BRIP1: variants seen among roughly 807,000 people sequenced by gnomAD.
BRIP1 encodes Fanconi anemia group J protein.
Under a neutral mutation model 119.7 loss-of-function variants are expected in BRIP1, and 88 were observed. The observed-to-expected ratio is 0.74, with a 90% CI of 0.62 to 0.88. The LOEUF is 0.88. Ranked by LOEUF, BRIP1 falls within the 40% of genes least tolerant of loss-of-function variation. BRIP1 has a pLI of 0.00. For synonymous variants in BRIP1, 443 were observed against 496.5 expected, an observed-to-expected ratio of 0.89 and a Z score of 1.43; for missense variants, 1,259 against 1,455.4, an observed-to-expected ratio of 0.87 and a Z score of 2.20.
intron 17 of BRIP1, among the ~76,000 whole-genome samples, chr17:61,707,756 T>A (rs1427345782): frequency 6.6e-6 from 1 of 152,126 alleles, no homozygotes; most frequent in Non-Finnish European, 1.5e-5. Flanking sequence ...ATTTCTCCTA[T>A]CTGGGGGTTG....
At position 61,743,071 on chromosome 17, in the gene BRIP1, T is replaced by A. The variant is rs992780498; in HGVS notation, c.2321A>T (p.Asp774Val). ...KVSEGLDFSD[D>V]NARAVITIGI... ...TATTGTTATGACAGCACGGGCATTG[T>A]CATCTGAGAAATCCAGACCCTCACT... The change falls in exon 16 of 20, where the codon GAC becomes GTC. Residue 774 changes from aspartate (D) to valine (V), a missense_variant. Coordinates refer to ENST00000259008, the MANE Select transcript of BRIP1 (RefSeq NM_032043.3). This position sits in a 1 kb window ranked among gnomAD's most constrained non-coding sequence, Gnocchi z 4.3. 6.2e-7 allele frequency: 1 copy of A among 1,613,978 alleles called. No individual in the cohort carries two copies. Among genetic ancestry groups the A allele is most frequent in the Non-Finnish European group, 8.5e-7 (1 of 1,179,914 alleles).
Position 61,738,879 on chromosome 17 carries a change from TCTC to T in BRIP1, c.2379+4131_2379+4133del, listed in dbSNP as rs2076952458. On this transcript the variant is annotated intron_variant, in intron 16 of 19. Coordinates refer to ENST00000259008, the MANE Select transcript of BRIP1 (RefSeq NM_032043.3). The surrounding 1 kb of genome is among the most constrained non-coding windows in gnomAD (Gnocchi z 4.2). ...TACTCTGAATATCATTCCCTTCTCT[TCTC>T]CTCATATGTAATCAGAATTATAATC... Among the ~76,000 whole-genome samples the T allele has an allele frequency of 6.6e-6, 1 of 152,182 alleles. No individual in the cohort carries two copies.
Position 61,755,766 on chromosome 17 carries a change from G to T in BRIP1, c.2098-11175C>A, listed in dbSNP as rs1033375809. Among the ~76,000 whole-genome samples the T allele has an allele frequency of 5.9e-5, 9 of 151,870 alleles. No individual in the cohort carries two copies. Among genetic ancestry groups the T allele is most frequent in the African/African-American group, 2.2e-4 (9 of 41,328 alleles). On this transcript the variant is annotated intron_variant, in intron 14 of 19. Coordinates refer to ENST00000259008, the MANE Select transcript of BRIP1 (RefSeq NM_032043.3). This position sits in a 1 kb window ranked among gnomAD's most constrained non-coding sequence, Gnocchi z 4.5. Reference sequence around the variant, plus strand: ...CCTCCCTTCCGGAAGAAAACAGACAGGTAAAGATTTAGAAAGAACAATGGA... The same window carrying T: ...CCTCCCTTCCGGAAGAAAACAGACATGTAAAGATTTAGAAAGAACAATGGA...
Position 61,834,208 on chromosome 17 carries a change from A to G in BRIP1, c.627+12893T>C, listed in dbSNP as rs534363833. ...ATATATTAGGTGAAAAATAAAAGCT[A>G]TATACTATAATCCTAATTTTGTGTG... On this transcript the variant is annotated intron_variant, in intron 6 of 19. Transcript: ENST00000259008. The surrounding 1 kb of genome is among the most constrained non-coding windows in gnomAD (Gnocchi z 4.4). Among the ~76,000 whole-genome samples, 1 of 152,258 alleles carries G rather than the reference A, an allele frequency of 6.6e-6. No individual in the cohort carries two copies. The highest frequency in any genetic ancestry group is 2.4e-5 in the African/African-American group (1 of 41,544).
chr17:61,790,858 C>T (rs1219059216), intron 10 of BRIP1, among the ~76,000 whole-genome samples: 2 of 151,918 alleles, frequency 1.3e-5, no homozygotes, highest in African/African-American at 2.4e-5. Context: ...AACTCCTGGG[C>T]TCAAGCAATC....
Position 61,827,356 on chromosome 17 carries a change from C to A in BRIP1, c.628-18599G>T, listed in dbSNP as rs1015512569. 2.0e-5 allele frequency among the ~76,000 whole-genome samples: 3 copies of A among 152,038 alleles called. No homozygotes were observed. The highest frequency in any genetic ancestry group is 4.4e-5 in the Non-Finnish European group (3 of 68,014). ...TACCTGGGTGACAAAATAATCTGTA[C>A]AACAAACCACTACCACACAAGTTTA... On this transcript the variant is annotated intron_variant, in intron 6 of 19. Transcript: ENST00000259008. This position sits in a 1 kb window ranked among gnomAD's most constrained non-coding sequence, Gnocchi z 5.8.
At chr17:61,727,288 A>G (rs1379193991) in intron 16 of BRIP1, among the ~76,000 whole-genome samples, 1 of 152,234 alleles carries the variant, frequency 6.6e-6, no homozygotes, top group Non-Finnish European at 1.5e-5. Flanking sequence ...GCTCAGACTC[A>G]GCTTTCATAT....
rs553110431 is a variant in BRIP1, at chr17:61,825,139, G to T, written c.628-16382C>A. 6.6e-6 allele frequency among the ~76,000 whole-genome samples: 1 copy of T among 151,962 alleles called. No homozygotes were observed. Among genetic ancestry groups the T allele is most frequent in the Non-Finnish European group, 1.5e-5 (1 of 68,002 alleles). On this transcript the variant is annotated intron_variant, in intron 6 of 19. Coordinates refer to ENST00000259008, the MANE Select transcript of BRIP1 (RefSeq NM_032043.3). This position sits in a 1 kb window ranked among gnomAD's most constrained non-coding sequence, Gnocchi z 4.1. ...TCTCTACTAAAAATACAAAAAATTA[G>T]CTGGGCAAGGTGGCGGGCACCTGTA...
intron 18 of BRIP1, among the ~76,000 whole-genome samples, chr17:61,688,239 C>A (rs760534932): frequency 4.6e-5 from 7 of 152,034 alleles, no homozygotes; most frequent in Non-Finnish European, 8.8e-5. Context: ...TTAGGGAGGC[C>A]GAGGCAGGCA....
At position 61,691,092 on chromosome 17, in the gene BRIP1, G is replaced by A. The variant is rs2061440620; in HGVS notation, c.2575+2338C>T. On this transcript the variant is annotated intron_variant, in intron 18 of 19. Transcript: ENST00000259008. The surrounding 1 kb of genome is among the most constrained non-coding windows in gnomAD (Gnocchi z 5.0). ...CACACCGGGGCCTGTTGTGGGGTGG[G>A]GGGAGAGGGGGGAGGGATAGCATTA... is the stretch of plus-strand genomic sequence containing the variant. 6.6e-6 allele frequency among the ~76,000 whole-genome samples: 1 copy of A among 151,226 alleles called. No homozygotes were observed. The highest frequency in any genetic ancestry group is 6.6e-5 in the Admixed American group (1 of 15,184).
At chr17:61,840,136 A>T (rs2145689559) in intron 6 of BRIP1, among the ~76,000 whole-genome samples, 1 of 152,296 alleles carries the variant, frequency 6.6e-6, no homozygotes, top group South Asian at 2.1e-4. Flanking sequence ...AGGCAAACAG[A>T]TCACCCGAGG....
chr17:61,800,289 T>C (rs1290892243), intron 8 of BRIP1, among the ~76,000 whole-genome samples: 1 of 152,062 alleles, frequency 6.6e-6, no homozygotes, highest in Non-Finnish European at 1.5e-5. Context: ...GAAGTAAGAA[T>C]ACACAGACAG....
chr17:61,809,884 T>A lies in BRIP1; in HGVS notation c.628-1127A>T, dbSNP rs1213770814. ...AAACAAATGCTAAGTCATAGCATGT[T>A]ACACCACAATACTGGGGATGAAGCT... On this transcript the variant is annotated intron_variant, in intron 6 of 19. Coordinates refer to ENST00000259008, the MANE Select transcript of BRIP1 (RefSeq NM_032043.3). The surrounding 1 kb of genome is among the most constrained non-coding windows in gnomAD (Gnocchi z 5.2). Among the ~76,000 whole-genome samples, 5 of 152,210 alleles carry A rather than the reference T, an allele frequency of 3.3e-5. No homozygotes were observed. The highest frequency in any genetic ancestry group is 2.1e-4 in the South Asian group (1 of 4,836).
rs2078987129 is a variant in BRIP1, at chr17:61,862,621, G to C, written c.-31+663C>G. 6.6e-6 allele frequency among the ~76,000 whole-genome samples: 1 copy of C among 152,138 alleles called. No individual in the cohort carries two copies. Among genetic ancestry groups the C allele is most frequent in the Non-Finnish European group, 1.5e-5 (1 of 68,028 alleles). The stretch of plus-strand genomic sequence containing the variant: ...ATGATTGCATTTTTCTGAAGAAAAA[G>C]TCCATAGATTTCTCTTCCCGTAAAT... On this transcript the variant is annotated intron_variant, in intron 1 of 19. Transcript: ENST00000259008. The surrounding 1 kb of genome is among the most constrained non-coding windows in gnomAD (Gnocchi z 5.3).
chr17:61,739,079 T>C lies in BRIP1; in HGVS notation c.2379+3934A>G, dbSNP rs932394858. ...TAATTAGTTTTAGGGAACAAAATTGTATTTTATTAAGATATTGGAAGAAGA... is the reference window on the plus strand; with the variant it reads ...TAATTAGTTTTAGGGAACAAAATTGCATTTTATTAAGATATTGGAAGAAGA... On this transcript the variant is annotated intron_variant, in intron 16 of 19. Coordinates refer to ENST00000259008, the MANE Select transcript of BRIP1 (RefSeq NM_032043.3). The surrounding 1 kb of genome is among the most constrained non-coding windows in gnomAD (Gnocchi z 6.0). 1 of 173,610 alleles carries C rather than the reference T, an allele frequency of 5.8e-6. No homozygotes were observed. The highest frequency in any genetic ancestry group is 2.4e-5 in the African/African-American group (1 of 42,114). The allele number at this position is 173,610 out of a possible 1,614,324, so 10.8% of individuals were successfully genotyped here. A position where few individuals can be genotyped will look rare whatever the true frequency, so the allele number is the denominator to read the frequency against.
intron 5 of BRIP1, 54 bp from the exon 6 acceptor site, chr17:61,847,274 T>A (rs1488194450): frequency 6.2e-7 from 1 of 1,603,406 alleles, no homozygotes; most frequent in Non-Finnish European, 8.5e-7. Flanking sequence ...TTTAACTGGC[T>A]AGTTGTTCTC....
chr17:61,786,431 A>C (rs2077708511), intron 10 of BRIP1, among the ~76,000 whole-genome samples: 1 of 151,894 alleles, frequency 6.6e-6, no homozygotes, highest in African/African-American at 2.4e-5. Context: ...AGTGGGTCAG[A>C]GGAATGCTTT....
Position 61,846,392 on chromosome 17 carries a change from CTT to C in BRIP1, c.627+707_627+708del, listed in dbSNP as rs557897912. On this transcript the variant is annotated intron_variant, in intron 6 of 19. Transcript: ENST00000259008. This position sits in a 1 kb window ranked among gnomAD's most constrained non-coding sequence, Gnocchi z 4.3. ...CCAAAAGGCAATAATGTATTTTTTCCTTTTTTTTTTTGAGACGGGGTCTCACT... is the reference window on the plus strand; with the variant it reads ...CCAAAAGGCAATAATGTATTTTTTCCTTTTTTTTTGAGACGGGGTCTCACT... Among the ~76,000 whole-genome samples the C allele has an allele frequency of 6.9e-6, 1 of 144,852 alleles. No homozygotes were observed.
Position 61,775,284 on chromosome 17 carries a change from A to G in BRIP1, c.2097+1117T>C, listed in dbSNP as rs1345994218. Among the ~76,000 whole-genome samples the G allele has an allele frequency of 6.6e-6, 1 of 152,210 alleles. No homozygotes were observed. Among genetic ancestry groups the G allele is most frequent in the Admixed American group, 6.5e-5 (1 of 15,272 alleles). On this transcript the variant is annotated intron_variant, in intron 14 of 19. Transcript: ENST00000259008. The surrounding 1 kb of genome is among the most constrained non-coding windows in gnomAD (Gnocchi z 4.4). Reference sequence around the variant, plus strand: ...TTATTTTTAGATATTCTTGTAAAAAATTATCTGATTAAATATGTTTTTGAA... The same window carrying G: ...TTATTTTTAGATATTCTTGTAAAAAGTTATCTGATTAAATATGTTTTTGAA...
Sources: gnomAD v4.1 joint callset for allele counts (sites outside exome capture counted in the v4.1 genomes callset) on GRCh38, gnomAD v4.1.1 for gene constraint, Gnocchi (gnomAD v3.1) non-coding constraint, MANE v1.5 for transcripts, NCBI Gene and HGNC (gene_info 2026-07-23, HGNC 2026-07-21) for gene names.